The following PTPRN2 variants were observed in gnomAD, a reference collection of about 807,000 sequenced individuals.
PTPRN2 encodes the protein protein tyrosine phosphatase receptor type N2.
PTPRN2 carries 74 observed loss-of-function variants against 118.8 expected under a neutral mutation model. The observed-to-expected ratio is 0.62, with a 90% CI of 0.52 to 0.76. The LOEUF (loss-of-function observed/expected upper bound fraction) is 0.76, where lower values mean the gene tolerates loss of function less well. Among genes scored for constraint, PTPRN2 ranks in the 30% least tolerant of loss-of-function variants. PTPRN2 has a pLI of 0.00. For missense variants in PTPRN2, 1,481 were observed against 1,394.4 expected (o/e 1.06, Z -0.99); for synonymous variants, 641 against 608.0 (o/e 1.05, Z -0.80).
chr7:157,803,797 T>C (rs75032354), intron 12 of PTPRN2, among the ~76,000 whole-genome samples: 2,886 of 152,338 alleles, frequency 0.019, 84 homozygotes, highest in South Asian at 0.12. Flanking sequence ...ATGCCAGTAG[T>C]GTATTGTTTT....
At chr7:158,141,609 C>T (rs562827194) in intron 6 of PTPRN2, among the ~76,000 whole-genome samples, 7 of 152,182 alleles carry the variant, frequency 4.6e-5, no homozygotes, top group South Asian at 2.1e-4. Flanking sequence ...TCTTGCTACA[C>T]GGCTGTAAGG....
At chr7:157,928,319 T>G (rs1217686599) in intron 11 of PTPRN2, among the ~76,000 whole-genome samples, 1 of 152,134 alleles carries the variant, frequency 6.6e-6, no homozygotes, top group African/African-American at 2.4e-5. Flanking sequence ...TCTCTGCTCT[T>G]GGTCGCCTGG....
intron 12 of PTPRN2, among the ~76,000 whole-genome samples, chr7:157,827,383 C>CACAACACA (rs1478836400): frequency 1.3e-4 from 20 of 151,506 alleles, no homozygotes; most frequent in African/African-American, 4.9e-4. Context: ...CACAACACAA[C>CACAACACA]ACAACACAAC....
At chr7:158,435,190 T>C (rs1251315476) in intron 2 of PTPRN2, among the ~76,000 whole-genome samples, 2 of 152,076 alleles carry the variant, frequency 1.3e-5, no homozygotes, top group Non-Finnish European at 2.9e-5. Context: ...TACTTGCAAA[T>C]CGTATAACTT....
chr7:158,012,064 C>T (rs912683453), intron 11 of PTPRN2, among the ~76,000 whole-genome samples: 1 of 152,158 alleles, frequency 6.6e-6, no homozygotes, highest in Non-Finnish European at 1.5e-5. Context: ...GCCCCGATCC[C>T]GAGTTTGTAG....
intron 16 of PTPRN2, among the ~76,000 whole-genome samples, chr7:157,597,784 G>A (rs760680346): frequency 6.6e-6 from 1 of 152,132 alleles, no homozygotes; most frequent in South Asian, 2.1e-4. Flanking sequence ...AGTGGGGACC[G>A]GCCTCACCTC....
intron 11 of PTPRN2, among the ~76,000 whole-genome samples, chr7:158,016,103 C>T (rs546774807): frequency 6.6e-5 from 10 of 152,296 alleles, no homozygotes; most frequent in African/African-American, 1.9e-4. Context: ...CATTCAGACT[C>T]GTAATCAGCA....
At chr7:157,958,358 T>C (rs1167379519) in intron 11 of PTPRN2, among the ~76,000 whole-genome samples, 1 of 152,154 alleles carries the variant, frequency 6.6e-6, no homozygotes, top group Admixed American at 6.6e-5. Flanking sequence ...AGGCCTGCTT[T>C]CACCACTGTT....
At chr7:158,137,625 C>A (rs1818947360) in intron 7 of PTPRN2, among the ~76,000 whole-genome samples, 1 of 152,108 alleles carries the variant, frequency 6.6e-6, no homozygotes, top group Admixed American at 6.5e-5. Flanking sequence ...AGTTCCACTA[C>A]TCCCCTGCAC....
At chr7:157,907,954 C>T (rs1403753563) in intron 11 of PTPRN2, among the ~76,000 whole-genome samples, 3 of 152,182 alleles carry the variant, frequency 2.0e-5, no homozygotes, top group Non-Finnish European at 1.5e-5. Flanking sequence ...AATTCCTGAC[C>T]TCACCGACTT....
At chr7:158,021,758 G>A (rs2128876544) in intron 11 of PTPRN2, among the ~76,000 whole-genome samples, 1 of 152,288 alleles carries the variant, frequency 6.6e-6, no homozygotes, top group East Asian at 1.9e-4. Context: ...AGTGGGGAGA[G>A]GATGAACTCC....
chr7:158,310,273 A>G (rs1263805481), intron 3 of PTPRN2, among the ~76,000 whole-genome samples: 3 of 152,234 alleles, frequency 2.0e-5, no homozygotes, highest in African/African-American at 7.2e-5. Context: ...ATGAATTTTT[A>G]AAAGTGCTTG....
intron 6 of PTPRN2, among the ~76,000 whole-genome samples, chr7:158,149,440 G>T (rs1433635897): frequency 1.5e-5 from 2 of 129,792 alleles, no homozygotes; most frequent in South Asian, 2.5e-4. Flanking sequence ...TTCTCAAGAG[G>T]TAAAAAAAAA....
rs1825061701 is a variant in PTPRN2 at position 158,529,587 on chromosome 7, G to C, written c.113-39802C>G. Among the ~76,000 whole-genome samples the C allele has an allele frequency of 6.6e-6, 1 of 152,190 alleles. No homozygotes were observed. ...TTTTGACCAAAATGAGTCAAATGTG[G>C]GGAGAGTGGCAACTGTGTGAGTCTG... On this transcript the variant is annotated intron_variant, in intron 1 of 22. Coordinates refer to ENST00000389418, the MANE Select transcript of PTPRN2 (RefSeq NM_002847.5). The surrounding 1 kb of genome is among the most constrained non-coding windows in gnomAD (Gnocchi z 4.7).
intron 11 of PTPRN2, among the ~76,000 whole-genome samples, chr7:157,936,588 G>T (rs75596165): frequency 0.052 from 4,850 of 92,440 alleles, 30 homozygotes; most frequent in Middle Eastern, 0.083. Flanking sequence ...AGTGCAGGTC[G>T]GACACCTCCC....
chr7:158,358,258 C>T lies in PTPRN2; in HGVS notation c.164-41326G>A, dbSNP rs547211615. 3.9e-5 allele frequency among the ~76,000 whole-genome samples: 6 copies of T among 152,218 alleles called. No individual in the cohort carries two copies. The South Asian group carries it at 8.3e-4, about 21-fold the overall frequency. On this transcript the variant is annotated intron_variant, in intron 2 of 22. Coordinates refer to ENST00000389418, the MANE Select transcript of PTPRN2 (RefSeq NM_002847.5). ...CCTGGTCTTAAACTGGTGGGAGGGG[C>T]GTGGGCTGAGGTAGCCATGGGGGGC...
intron 10 of PTPRN2, among the ~76,000 whole-genome samples, chr7:158,106,474 C>G (rs540168420): frequency 1.3e-5 from 2 of 152,318 alleles, no homozygotes; most frequent in East Asian, 1.9e-4. Context: ...CTCCCTGCCT[C>G]CACACACACA....
At chr7:157,793,486 C>T (rs528182824) in intron 12 of PTPRN2, among the ~76,000 whole-genome samples, 1 of 152,096 alleles carries the variant, frequency 6.6e-6, no homozygotes, top group Non-Finnish European at 1.5e-5. Context: ...ATCTGAGGGG[C>T]CTCCAGGGCC....
intron 2 of PTPRN2, among the ~76,000 whole-genome samples, chr7:158,341,857 GAGTGTGC>G (rs1806893847): frequency 1.5e-4 from 1 of 6,576 alleles, no homozygotes; most frequent in African/African-American, 6.2e-4. Context: ...CTCACCATAA[GAGTGTGC>G]CCCGCAGGCG....
Sources: gnomAD v4.1 joint callset for allele counts (sites outside exome capture counted in the v4.1 genomes callset) on GRCh38, gnomAD v4.1.1 for gene constraint, Gnocchi (gnomAD v3.1) non-coding constraint, MANE v1.5 for transcripts, NCBI Gene and HGNC (gene_info 2026-07-23, HGNC 2026-07-21) for gene names.